Variants in ERCC5 observed in about 807,000 individuals in gnomAD.
ERCC5 encodes the protein ERCC excision repair 5, endonuclease.
In ERCC5, 68 loss-of-function variants were observed where a neutral mutation model predicts 105.6. The ratio of observed to expected loss-of-function variants is 0.64; its 90% CI spans 0.53 to 0.79. The LOEUF (loss-of-function observed/expected upper bound fraction) is 0.79. Ranked by LOEUF, ERCC5 falls within the 30% of genes least tolerant of loss-of-function variation. The pLI, the probability that ERCC5 is intolerant of heterozygous loss-of-function variation, is 0.00. For synonymous variants in ERCC5, 546 were observed against 526.2 expected, an observed-to-expected ratio of 1.04 and a Z score of -0.51; for missense variants, 1,373 against 1,426.7, an observed-to-expected ratio of 0.96 and a Z score of 0.61.
At position 102,868,140 on chromosome 13, in the gene ERCC5, T is replaced by C. The variant is rs1882910104; in HGVS notation, c.2561T>C (p.Leu854Ser). 2 of 1,614,048 alleles carry C rather than the reference T, an allele frequency of 1.2e-6. No homozygotes were observed. The highest frequency in any genetic ancestry group is 1.1e-5 in the South Asian group (1 of 91,058). The change falls in exon 12 of 15, where the codon TTG becomes TCG. Residue 854 changes from leucine to serine, a missense_variant. Coordinates refer to ENST00000652225, the MANE Select transcript of ERCC5 (RefSeq NM_000123.4). Reference protein sequence around the residue: ...LGLDRNKLINLAYLLGSDYTE... With the variant: ...LGLDRNKLINSAYLLGSDYTE... ...TTGGACCGGAATAAGTTAATAAATT[T>C]GGCTTATTTGCTTGGAAGTGATTAT...
chr13:102,867,849 A>G (rs1187251200), intron 11 of ERCC5, among the ~76,000 whole-genome samples: 1 of 152,130 alleles, frequency 6.6e-6, no homozygotes, highest in Non-Finnish European at 1.5e-5. Flanking sequence ...AATATATGTG[A>G]CTGTGGTTCA....
Position 102,873,278 on chromosome 13 carries a change from G to T in ERCC5, c.2899G>T (p.Gly967Cys), listed in dbSNP as rs753938357. 6.2e-7 allele frequency: 1 copy of T among 1,613,814 alleles called. No individual in the cohort carries two copies. Among genetic ancestry groups the T allele is most frequent in the African/African-American group, 1.3e-5 (1 of 74,856 alleles). The change falls in exon 14 of 15, where the codon GGC becomes TGC. Residue 967 changes from glycine (G) to cysteine (C), a missense_variant. By Grantham distance (159) the Gly-to-Cys change is radical (BLOSUM62 -3). Transcript: ENST00000652225. ...ATGCATATTTTGTCAGCGGTATTTCGGCTGGAACAGAACGAAGACAGATGA... is the reference window on the plus strand; with the variant it reads ...ATGCATATTTTGTCAGCGGTATTTCTGCTGGAACAGAACGAAGACAGATGA... ...KIREFCQRYF[G>C]WNRTKTDESL...
intron 9 of ERCC5, 165 bp downstream of exon 9, chr13:102,866,076 G>A (rs928302242): frequency 1.7e-5 from 25 of 1,480,544 alleles, no homozygotes; most frequent in Admixed American, 3.5e-5. Flanking sequence ...GATAGACTCC[G>A]TTTTCCATGT....
At chr13:102,856,031 A>T (rs1882404472) in intron 4 of ERCC5, 21 bp from the exon 5 acceptor site, 1 of 1,613,020 alleles carries the variant, frequency 6.2e-7, no homozygotes, top group East Asian at 2.2e-5. Context: ...TAGATATCGT[A>T]AAAGTATGTT....
At chr13:102,858,750 G>A (rs2140523648) in intron 6 of ERCC5, among the ~76,000 whole-genome samples, 1 of 152,290 alleles carries the variant, frequency 6.6e-6, no homozygotes, top group East Asian at 1.9e-4. Context: ...GTCTAGCTCA[G>A]TATTTTTCAC....
intron 4 of ERCC5, 130 bp downstream of exon 4, chr13:102,854,504 A>G (rs1882331726): frequency 4.6e-6 from 4 of 866,332 alleles, no homozygotes; most frequent in Admixed American, 2.4e-5. Flanking sequence ...GGCATGCTCT[A>G]TACCTTTCAG....
At chr13:102,847,207 TTTTG>T (rs1282209588) in intron 1 of ERCC5, among the ~76,000 whole-genome samples, 1 of 152,192 alleles carries the variant, frequency 6.6e-6, no homozygotes, top group Non-Finnish European at 1.5e-5. Context: ...GTTTGGCTGG[TTTTG>T]TTTGTCATTG....
chr13:102,859,198 C>T (rs1291524925), intron 6 of ERCC5, among the ~76,000 whole-genome samples: 1 of 152,176 alleles, frequency 6.6e-6, no homozygotes, highest in Non-Finnish European at 1.5e-5. Context: ...TTATTTCTAC[C>T]GTAGTTCTCC....
In ERCC5 at chr13:102,862,301, A is replaced by T; in HGVS notation, c.1152A>T (p.Ser384=). 1 of 1,614,032 alleles carries T rather than the reference A, an allele frequency of 6.2e-7. No homozygotes were observed. Among genetic ancestry groups the T allele is most frequent in the Non-Finnish European group, 8.5e-7 (1 of 1,180,012 alleles). The change falls in exon 8 of 15, where the codon TCA becomes TCT. Residue 384 remains serine, a synonymous_variant. Transcript: ENST00000652225. The part of the protein sequence containing the change: ...APAAVDEGSI[S]PRTLSAIKRA... The stretch of plus-strand genomic sequence containing the variant: ...CTGCTGTAGACGAAGGCTCCATATC[A>T]CCCCGGACTCTTTCAGCCATTAAGA...
chr13:102,863,176 G>T (rs1306041118), intron 8 of ERCC5, 73 bp downstream of exon 8: 3 of 1,515,898 alleles, frequency 2.0e-6, no homozygotes, highest in East Asian at 2.4e-5. Flanking sequence ...AGATCGGTTA[G>T]TGTAGTCCCG....
rs1883156485 is a variant in ERCC5 at position 102,874,812 on chromosome 13, G to GCA, written c.2965-494_2965-493insAC. The GCA allele has an allele frequency of 8.8e-5, 14 of 159,402 alleles. No homozygotes were observed. In the South Asian group the frequency reaches 2.5e-3, roughly 29 times the overall value. The allele number at this position is 159,402 out of a possible 1,614,324, so 9.9% of individuals were successfully genotyped here. A position where few individuals can be genotyped will look rare whatever the true frequency, so the allele number is the denominator to read the frequency against. On this transcript the variant is annotated intron_variant, in intron 14 of 14. Transcript: ENST00000652225. ...TGGGGTTACAGGCGTGAGCCACCAT[G>GCA]CCCGGCCAAAGAATATCTTCTTAAA... is the stretch of plus-strand genomic sequence containing the variant.
At chr13:102,863,377 T>A (rs550020144) in intron 8 of ERCC5, among the ~76,000 whole-genome samples, 1 of 152,262 alleles carries the variant, frequency 6.6e-6, no homozygotes, top group South Asian at 2.1e-4. Flanking sequence ...TTTAAAAACT[T>A]TTTATTTTGA....
chr13:102,854,508 C>T, intron 4 of ERCC5, 134 bp downstream of exon 4: 1 of 845,158 alleles, frequency 1.2e-6, no homozygotes, highest in Non-Finnish European at 1.9e-6. Context: ...TGCTCTATAC[C>T]TTTCAGAATA....
chr13:102,873,478 T>G lies in ERCC5; in HGVS notation c.2964+135T>G, dbSNP rs943792744. 4 of 972,948 alleles carry G rather than the reference T, an allele frequency of 4.1e-6. No individual in the cohort carries two copies. In the African/African-American group the frequency reaches 6.6e-5, roughly 16 times the overall value. 60.3% of individuals were successfully genotyped at this position (972,948 alleles called of 1,614,324 possible). A position where few individuals can be genotyped will look rare whatever the true frequency, so the allele number is the denominator to read the frequency against. Reference sequence around the variant, plus strand: ...AATTAGGATAATTTAGATGAGAGAATAGAAGAAAATAGAAAAAGAAAAGTT... The same window carrying G: ...AATTAGGATAATTTAGATGAGAGAAGAGAAGAAAATAGAAAAAGAAAAGTT... On this transcript the variant is annotated intron_variant, in intron 14 of 14. Transcript: ENST00000652225.
chr13:102,860,399 A>G (rs1227517887), intron 6 of ERCC5, among the ~76,000 whole-genome samples: 1 of 152,178 alleles, frequency 6.6e-6, no homozygotes, highest in Admixed American at 6.5e-5. Context: ...TCAGCGTGTG[A>G]TAAGTGCTCA....
chr13:102,852,412 C>T, intron 2 of ERCC5, 119 bp downstream of exon 2: 1 of 1,146,040 alleles, frequency 8.7e-7, no homozygotes, highest in Non-Finnish European at 1.2e-6. Context: ...CTTATTTTGA[C>T]ACATACTTAA....
chr13:102,847,960 A>G (rs1314570334), intron 1 of ERCC5, among the ~76,000 whole-genome samples: 1 of 152,164 alleles, frequency 6.6e-6, no homozygotes, highest in Non-Finnish European at 1.5e-5. Flanking sequence ...CAGGAGTTCA[A>G]GACCAGCCTG....
At chr13:102,856,351 G>A (rs185263489) in intron 5 of ERCC5, among the ~76,000 whole-genome samples, 1 of 151,912 alleles carries the variant, frequency 6.6e-6, no homozygotes, top group Admixed American at 6.6e-5. Flanking sequence ...TTCAAAACAA[G>A]CTATTTTTCT....
chr13:102,854,236 C>G, intron 3 of ERCC5, 52 bp from the exon 4 acceptor site: 1 of 1,574,734 alleles, frequency 6.4e-7, no homozygotes, highest in Non-Finnish European at 8.7e-7. Context: ...TCCCTGTTCA[C>G]CATCCTGAGC....
Sources: gnomAD v4.1 joint callset for allele counts (sites outside exome capture counted in the v4.1 genomes callset) on GRCh38, gnomAD v4.1.1 for gene constraint, MANE v1.5 for transcripts, NCBI Gene and HGNC (gene_info 2026-07-23, HGNC 2026-07-21) for gene names.